Variants in GLIS3 observed in about 807,000 individuals in gnomAD.
The protein encoded by GLIS3 is GLIS family zinc finger 3, also known as zinc finger protein GLIS3.
GLIS3 carries 53 observed loss-of-function variants against 78.6 expected under a neutral mutation model. The observed-to-expected ratio is 0.67, with a 90% CI of 0.54 to 0.85. GLIS3 has a LOEUF of 0.85. GLIS3 is among the 40% of genes least tolerant of loss of function. GLIS3 has a pLI of 0.00. For missense variants in GLIS3, 1,703 were observed against 1,231.1 expected, an observed-to-expected ratio of 1.38 and a Z score of -5.74; for synonymous variants, 684 against 509.9, an observed-to-expected ratio of 1.34 and a Z score of -4.60.
intron 8 of GLIS3, among the ~76,000 whole-genome samples, chr9:3,867,842 G>A (rs1820700576): frequency 6.6e-6 from 1 of 152,016 alleles, no homozygotes; most frequent in Non-Finnish European, 1.5e-5. Flanking sequence ...GAATATCTGT[G>A]GAAGTTAACC....
intron 2 of GLIS3, among the ~76,000 whole-genome samples, chr9:4,259,726 G>A (rs2129993881): frequency 6.6e-6 from 1 of 152,294 alleles, no homozygotes; most frequent in African/African-American, 2.4e-5. Flanking sequence ...TCTATTCACA[G>A]ATGGGGTGGG....
the GLIS3 span, among the ~76,000 whole-genome samples, chr9:4,434,306 A>C: frequency 3.9e-5 from 6 of 152,168 alleles, no homozygotes; most frequent in Admixed American, 1.3e-4. Context: ...AGTCTGTGGG[A>C]GTCAGATCTG....
At chr9:3,864,824 A>C (rs909533373) in intron 8 of GLIS3, among the ~76,000 whole-genome samples, 14 of 152,342 alleles carry the variant, frequency 9.2e-5, no homozygotes, top group African/African-American at 3.4e-4. Flanking sequence ...GGAAAGGGCA[A>C]AAACCCTCAG....
chr9:3,852,072 G>C (rs1054752474), intron 9 of GLIS3, among the ~76,000 whole-genome samples: 13 of 152,062 alleles, frequency 8.5e-5, no homozygotes, highest in African/African-American at 3.1e-4. Context: ...TTGAACCAGG[G>C]AGGTGGAGGT....
chr9:4,164,262 T>G (rs967460236), intron 2 of GLIS3, among the ~76,000 whole-genome samples: 3 of 152,166 alleles, frequency 2.0e-5, no homozygotes, highest in African/African-American at 7.2e-5. Flanking sequence ...CCTGGGAAAA[T>G]TATACAAACA....
chr9:4,190,367 G>A (rs1164704641), intron 2 of GLIS3, among the ~76,000 whole-genome samples: 9 of 152,120 alleles, frequency 5.9e-5, no homozygotes, highest in South Asian at 4.2e-4. Context: ...GTCAAGGCTC[G>A]AGAACTACGT....
rs529644180 is a variant in GLIS3, at chr9:3,986,359, T to C, written c.1711-49170A>G. Among the ~76,000 whole-genome samples, 3 of 152,354 alleles carry C rather than the reference T, an allele frequency of 2.0e-5. No homozygotes were observed. In the South Asian group the frequency reaches 6.2e-4, roughly 32 times the overall value. On this transcript the variant is annotated intron_variant, in intron 4 of 10. Transcript: ENST00000381971. ...ATCACTATGAATTAAATTCTAAATATGGACTGAAGCTTCCTTGTGTCATAA... is the reference window on the plus strand; with the variant it reads ...ATCACTATGAATTAAATTCTAAATACGGACTGAAGCTTCCTTGTGTCATAA...
intron 4 of GLIS3, among the ~76,000 whole-genome samples, chr9:4,012,757 T>A (rs1004111149): frequency 3.5e-5 from 5 of 141,264 alleles, no homozygotes; most frequent in Non-Finnish European, 7.6e-5. Flanking sequence ...TTTCTTTTTT[T>A]TCTTTTTCTT....
intron 2 of GLIS3, among the ~76,000 whole-genome samples, chr9:4,140,940 C>T (rs1235872845): frequency 1.3e-5 from 2 of 151,976 alleles, no homozygotes; most frequent in African/African-American, 4.8e-5. Context: ...CTGGGATTAT[C>T]GGCGCGTGCC....
At chr9:4,282,495 A>T (rs557240381) in intron 2 of GLIS3, among the ~76,000 whole-genome samples, 2 of 152,094 alleles carry the variant, frequency 1.3e-5, no homozygotes, top group Admixed American at 6.5e-5. Context: ...TTGCCTTCCA[A>T]CTGGGACACT....
chr9:3,840,499 ATTT>A (rs1230183756), intron 9 of GLIS3, among the ~76,000 whole-genome samples: 3 of 152,138 alleles, frequency 2.0e-5, no homozygotes, highest in Non-Finnish European at 2.9e-5. Flanking sequence ...AGGAAGACAG[ATTT>A]TTCTGCGGGC....
At chr9:3,887,318 A>C (rs1350732872) in intron 7 of GLIS3, among the ~76,000 whole-genome samples, 2 of 152,200 alleles carry the variant, frequency 1.3e-5, no homozygotes, top group Non-Finnish European at 2.9e-5. Context: ...CACCAAGACA[A>C]AGGAAACATA....
At chr9:4,371,506 C>G in the GLIS3 span, among the ~76,000 whole-genome samples, 2 of 152,142 alleles carry the variant, frequency 1.3e-5, no homozygotes, top group Non-Finnish European at 1.5e-5. Context: ...AAATCCTGGC[C>G]CAGTAACAGC....
At chr9:4,149,159 T>C (rs1834470337) in intron 2 of GLIS3, among the ~76,000 whole-genome samples, 1 of 152,206 alleles carries the variant, frequency 6.6e-6, no homozygotes, top group Non-Finnish European at 1.5e-5. Context: ...GTGATTCATC[T>C]ATACATTAAA....
At chr9:4,024,334 T>C (rs1199568490) in intron 4 of GLIS3, among the ~76,000 whole-genome samples, 1 of 152,162 alleles carries the variant, frequency 6.6e-6, no homozygotes, top group Non-Finnish European at 1.5e-5. Context: ...TGTCATCACA[T>C]CAAGAATCAA....
At chr9:4,155,641 C>A (rs965065965) in intron 2 of GLIS3, among the ~76,000 whole-genome samples, 3 of 152,134 alleles carry the variant, frequency 2.0e-5, no homozygotes, top group African/African-American at 7.2e-5. Flanking sequence ...AGAGTCCGAG[C>A]CAGGTACAGT....
At chr9:4,162,121 T>A (rs1335133310) in intron 2 of GLIS3, among the ~76,000 whole-genome samples, 1 of 152,162 alleles carries the variant, frequency 6.6e-6, no homozygotes, top group African/African-American at 2.4e-5. Context: ...TTTATAGATA[T>A]GTGATCTCCC....
chr9:4,289,213 C>T (rs554719220), intron 1 of GLIS3, among the ~76,000 whole-genome samples: 1 of 152,106 alleles, frequency 6.6e-6, no homozygotes, highest in Admixed American at 6.5e-5. Flanking sequence ...ATAAAAAGTT[C>T]AGGAATTTGG....
At chr9:4,359,878 A>G in the GLIS3 span, among the ~76,000 whole-genome samples, 2 of 151,866 alleles carry the variant, frequency 1.3e-5, no homozygotes, top group Non-Finnish European at 2.9e-5. Flanking sequence ...CCTTTGTTCT[A>G]TGCTGAGATG....
Sources: gnomAD v4.1 joint callset for allele counts (sites outside exome capture counted in the v4.1 genomes callset) on GRCh38, gnomAD v4.1.1 for gene constraint, MANE v1.5 for transcripts, NCBI Gene and HGNC (gene_info 2026-07-23, HGNC 2026-07-21) for gene names.